The following PMEL variants were observed in gnomAD, a reference collection of about 807,000 sequenced individuals.
PMEL encodes premelanosome protein, also known as melanocyte protein PMEL.
In PMEL, 53 loss-of-function variants were observed where a neutral mutation model predicts 64.9. That is an observed-to-expected ratio of 0.82 (90% CI 0.66 to 1.03). The LOEUF (loss-of-function observed/expected upper bound fraction) is 1.03, where lower values mean the gene tolerates loss of function less well. PMEL is among the 50% of genes least tolerant of loss of function. The pLI, the probability that PMEL is intolerant of heterozygous loss-of-function variation, is 0.00. For missense variants in PMEL, 716 were observed against 814.9 expected (o/e 0.88, Z 1.48); for synonymous variants, 299 against 316.2 (o/e 0.95, Z 0.58).
intron 6 of PMEL, chr12:55,956,501 C>T: frequency 7.7e-6 from 3 of 388,166 alleles, no homozygotes; most frequent in East Asian, 4.3e-5. Context: ...CTAGGCTAGA[C>T]ATTCAACGTG....
intron 3 of PMEL, among the ~76,000 whole-genome samples, chr12:55,959,814 T>C (rs1889031592): frequency 6.9e-6 from 1 of 145,042 alleles, no homozygotes; most frequent in South Asian, 2.2e-4. Flanking sequence ...CAAAAATAAA[T>C]ACATAAATAA....
intron 4 of PMEL, 36 bp downstream of exon 4, chr12:55,958,436 CA>C (rs746305899): frequency 2.5e-6 from 4 of 1,601,654 alleles, no homozygotes; most frequent in Non-Finnish European, 3.4e-6. Context: ...GAAGTAAACA[CA>C]AGTGTGGATG....
At chr12:55,959,281 G>C (rs1889012208) in intron 3 of PMEL, among the ~76,000 whole-genome samples, 1 of 151,500 alleles carries the variant, frequency 6.6e-6, no homozygotes, top group South Asian at 2.1e-4. Context: ...GCTACTCCAG[G>C]GGCTGAGGAA....
chr12:55,958,727 T>C, intron 3 of PMEL, 120 bp from the exon 4 acceptor site: 1 of 1,016,098 alleles, frequency 9.8e-7, no homozygotes, highest in Non-Finnish European at 1.4e-6. Flanking sequence ...AGCTAGAAAG[T>C]ACATTCTCCA....
rs1889099666 is a variant in PMEL at position 55,961,459 on chromosome 12, A to C, written c.192T>G (p.Gly64=). The C allele has an allele frequency of 6.2e-7, 1 of 1,613,942 alleles. No individual in the cohort carries two copies. Among genetic ancestry groups the C allele is most frequent in the Non-Finnish European group, 8.5e-7 (1 of 1,179,974 alleles). Residue 64 remains glycine, a synonymous_variant, in exon 3 of 11, where the codon GGT becomes GGG. Coordinates refer to ENST00000548747, the MANE Select transcript of PMEL (RefSeq NM_001384361.1). ...CATTACTGACCTTGAGGGACACTTG[A>C]CCACCTGGGAAGGAAAGCTACATTA... ...EAQRLDCWRG[G]QVSLKVSNDG...
intron 8 of PMEL, 41 bp from the exon 9 acceptor site, chr12:55,955,710 G>T: frequency 6.2e-7 from 1 of 1,608,328 alleles, no homozygotes; most frequent in East Asian, 2.2e-5. Flanking sequence ...TCTGGGAAGG[G>T]ACACTAAATG....
chr12:55,966,108 C>T (rs2136454438), upstream of PMEL: 1 of 1,593,652 alleles, frequency 6.3e-7, no homozygotes, highest in South Asian at 1.1e-5. Flanking sequence ...TCCTCTTCTC[C>T]CTCAGAGAAG....
intron 3 of PMEL, chr12:55,961,088 C>G: frequency 2.4e-6 from 1 of 419,598 alleles, no homozygotes; most frequent in Non-Finnish European, 4.4e-6. Context: ...GCCTGTAGTC[C>G]CAGCTACTCG....
upstream of PMEL, chr12:55,966,248 A>G: frequency 1.7e-6 from 1 of 597,452 alleles, no homozygotes; most frequent in Non-Finnish European, 2.9e-6. Flanking sequence ...ATCTTGATGC[A>G]CTCCCGGGCA....
chr12:55,966,253 C>G, upstream of PMEL: 1 of 584,176 alleles, frequency 1.7e-6, no homozygotes, highest in East Asian at 2.9e-5. Flanking sequence ...GATGCACTCC[C>G]GGGCAAGAGC....
At chr12:55,966,692 T>A, upstream of PMEL, 9 of 1,099,038 alleles carry the variant, frequency 8.2e-6, no homozygotes, top group Non-Finnish European at 1.0e-5. Context: ...GGCGGGATCA[T>A]TTGCGGGGAG....
chr12:55,961,504 C>A, intron 2 of PMEL, 41 bp from the exon 3 acceptor site: 13 of 1,612,232 alleles, frequency 8.1e-6, no homozygotes, highest in Non-Finnish European at 1.1e-5. Context: ...CCTGGGCTTC[C>A]CCTCCCTGTA....
Position 55,957,665 on chromosome 12 carries a change from AC to A in PMEL, c.637del (p.Val213CysfsTer5). The A allele has an allele frequency of 6.2e-7, 1 of 1,609,814 alleles. No individual in the cohort carries two copies. The highest frequency in any genetic ancestry group is 8.5e-7 in the Non-Finnish European group (1 of 1,177,832). ...SSSAFTITDQ[V>X]PFSVSVSQLR... ...CTGGGACACGCTCACGGAGAAAGGC[AC>A]CTGGTCTGGGATTGGAGCCAGAAAA... is the stretch of plus-strand genomic sequence containing the variant. On this transcript the variant is annotated frameshift_variant, in exon 6 of 11. Coordinates refer to ENST00000548747, the MANE Select transcript of PMEL (RefSeq NM_001384361.1). LOFTEE classifies it high-confidence loss of function.
At chr12:55,963,488 T>C (rs1889180512) in intron 1 of PMEL, among the ~76,000 whole-genome samples, 1 of 152,352 alleles carries the variant, frequency 6.6e-6, no homozygotes, top group Non-Finnish European at 1.5e-5. Context: ...ATTTAAAATG[T>C]ATGAGTATTT....
Position 55,957,092 on chromosome 12 carries a change from T to C in PMEL, c.1211A>G (p.Glu404Gly). Residue 404 changes from glutamate to glycine, a missense_variant, in exon 6 of 11, where the codon GAG becomes GGG. Physicochemically the swap from Glu to Gly is moderately conservative, Grantham distance 98. Transcript: ENST00000548747. Reference protein sequence around the residue: ...TPEATGMTPAEVSIVVLSGTT... With the variant: ...TPEATGMTPAGVSIVVLSGTT... Reference sequence around the variant, plus strand: ...TCCAGAAAGCACCACAATTGATACCTCTGCAGGTGTCATACCTGTAGCCTC... The same window carrying C: ...TCCAGAAAGCACCACAATTGATACCCCTGCAGGTGTCATACCTGTAGCCTC... The C allele has an allele frequency of 2.5e-6, 4 of 1,614,208 alleles. No homozygotes were observed. The highest frequency in any genetic ancestry group is 2.5e-6 in the Non-Finnish European group (3 of 1,180,034).
chr12:55,958,308 AGTTGAAGG>A, intron 4 of PMEL, 157 bp downstream of exon 4: 1 of 797,266 alleles, frequency 1.3e-6, no homozygotes, highest in Admixed American at 2.9e-5. Flanking sequence ...ATTATGATAG[AGTTGAAGG>A]GGGCTAGGTG....
chr12:55,958,657 A>G lies in PMEL; in HGVS notation c.335-50T>C, dbSNP rs541203828. On this transcript the variant is annotated intron_variant, in intron 3 of 10. Coordinates refer to ENST00000548747, the MANE Select transcript of PMEL (RefSeq NM_001384361.1). ...CTCAAACCCTGGCATTCTTTTTTGTATATCAAAACCCCTAAAATTGCTCCC... is the reference window on the plus strand; with the variant it reads ...CTCAAACCCTGGCATTCTTTTTTGTGTATCAAAACCCCTAAAATTGCTCCC... 1.3e-6 allele frequency: 2 copies of G among 1,588,072 alleles called. 1 individual carries two copies. The highest frequency in any genetic ancestry group is 4.5e-5 in the East Asian group (2 of 44,556).
intron 3 of PMEL, among the ~76,000 whole-genome samples, chr12:55,959,720 G>T (rs1167037582): frequency 3.3e-5 from 5 of 151,920 alleles, no homozygotes; most frequent in Middle Eastern, 3.4e-3. Flanking sequence ...CAGGAGAATC[G>T]CTGGAACCTG....
chr12:55,966,017 TCTTCCCTCCAG>T lies in PMEL; in HGVS notation c.-17_-7del. The T allele has an allele frequency of 6.2e-7, 1 of 1,614,230 alleles. No homozygotes were observed. The highest frequency in any genetic ancestry group is 1.3e-5 in the African/African-American group (1 of 75,070). Reference sequence around the variant, plus strand: ...CTTTTTAGCACCAGATCCATTGTGTTCTTCCCTCCAGCAACCAAAGGCACTGGGGGGACTGG... The same window carrying T: ...CTTTTTAGCACCAGATCCATTGTGTTCAACCAAAGGCACTGGGGGGACTGG... On this transcript the variant is annotated 5_prime_UTR_variant, in exon 1 of 11. Transcript: ENST00000548747.
Sources: gnomAD v4.1 joint callset for allele counts (sites outside exome capture counted in the v4.1 genomes callset) on GRCh38, gnomAD v4.1.1 for gene constraint, MANE v1.5 for transcripts, NCBI Gene and HGNC (gene_info 2026-07-23, HGNC 2026-07-21) for gene names.